PTK2: variants seen among roughly 807,000 people sequenced by gnomAD.
PTK2 encodes focal adhesion kinase 1.
Under a neutral mutation model 150.1 loss-of-function variants are expected in PTK2, and 45 were observed. That is an observed-to-expected ratio of 0.30 (90% confidence interval 0.24 to 0.38). PTK2 has a LOEUF of 0.38. Ranked by LOEUF, PTK2 falls within the 10% of genes least tolerant of loss-of-function variation. The pLI is 1.00. For synonymous variants in PTK2, 432 were observed against 449.2 expected, an observed-to-expected ratio of 0.96 and a Z score of 0.48; for missense variants, 919 against 1,307.3, an observed-to-expected ratio of 0.70 and a Z score of 4.58.
chr8:140,746,119 C>T (rs1169797094), intron 18 of PTK2, among the ~76,000 whole-genome samples: 1 of 152,036 alleles, frequency 6.6e-6, no homozygotes, highest in Non-Finnish European at 1.5e-5. Flanking sequence ...ATCACTTGAG[C>T]CAAGGAGCTC....
At chr8:140,921,049 A>G in intron 2 of PTK2, 2 of 1,313,158 alleles carry the variant, frequency 1.5e-6, no homozygotes, top group East Asian at 6.2e-5. Flanking sequence ...TTGAAGCAAA[A>G]TTTGGAAGGT....
intron 2 of PTK2, among the ~76,000 whole-genome samples, chr8:140,892,443 G>C (rs2100154561): frequency 6.6e-6 from 1 of 152,084 alleles, no homozygotes; most frequent in South Asian, 2.1e-4. Context: ...GGCTGAGGGG[G>C]GAGGATCACT....
chr8:140,852,510 A>G (rs1327682250), intron 5 of PTK2, among the ~76,000 whole-genome samples: 2 of 152,254 alleles, frequency 1.3e-5, no homozygotes, highest in Non-Finnish European at 2.9e-5. Flanking sequence ...GTATTCTGCC[A>G]GTATCAATTT....
intron 2 of PTK2, chr8:140,892,716 A>G (rs181443660): frequency 8.0e-6 from 3 of 375,856 alleles, no homozygotes; most frequent in East Asian, 1.6e-4. Context: ...ACACAAAAGA[A>G]AAACATATGT....
intron 17 of PTK2, among the ~76,000 whole-genome samples, chr8:140,747,918 A>G (rs1034111079): frequency 1.3e-5 from 2 of 152,006 alleles, no homozygotes; most frequent in African/African-American, 4.8e-5. Flanking sequence ...GGAGTGTGTA[A>G]TTCATTTACT....
intron 22 of PTK2, among the ~76,000 whole-genome samples, chr8:140,733,237 G>A (rs2100050600): frequency 6.6e-6 from 1 of 152,150 alleles, no homozygotes; most frequent in Non-Finnish European, 1.5e-5. Flanking sequence ...AGGAGGAAGG[G>A]CTGGCATAGA....
intron 22 of PTK2, among the ~76,000 whole-genome samples, chr8:140,734,000 G>C (rs2100051104): frequency 6.6e-6 from 1 of 152,158 alleles, no homozygotes; most frequent in Non-Finnish European, 1.5e-5. Context: ...AATAACAAAG[G>C]TGCTTAGCAA....
At position 140,865,180 on chromosome 8, in the gene PTK2, C is replaced by T. The variant is rs149368398; in HGVS notation, c.363-781G>A. Reference sequence around the variant, plus strand: ...GGTAAGTAATGAAAGTGAATACTTTCACATGCTTTTTGGTCATTTTGACTA... The same window carrying T: ...GGTAAGTAATGAAAGTGAATACTTTTACATGCTTTTTGGTCATTTTGACTA... On this transcript the variant is annotated intron_variant, in intron 4 of 31. Transcript: ENST00000522684. Among the ~76,000 whole-genome samples, 315 of 152,296 alleles carry T rather than the reference C, an allele frequency of 2.1e-3. No individual in the cohort carries two copies. In the Middle Eastern group the frequency reaches 0.031, roughly 15 times the overall value.
intron 14 of PTK2, among the ~76,000 whole-genome samples, chr8:140,779,936 C>G (rs2100080726): frequency 6.6e-6 from 1 of 152,140 alleles, no homozygotes; most frequent in South Asian, 2.1e-4. Flanking sequence ...AATCATCCAA[C>G]CTGGGGTGGT....
At chr8:140,926,217 T>C (rs1275391659) in intron 1 of PTK2, among the ~76,000 whole-genome samples, 1 of 152,170 alleles carries the variant, frequency 6.6e-6, no homozygotes, top group Non-Finnish European at 1.5e-5. Context: ...ACCAATAACA[T>C]AGATGATATT....
intron 1 of PTK2, among the ~76,000 whole-genome samples, chr8:140,992,282 A>C (rs1380458108): frequency 7.1e-6 from 1 of 140,016 alleles, no homozygotes; most frequent in Non-Finnish European, 1.6e-5. Context: ...ACAGAGTGAG[A>C]CTTCATCTCG....
chr8:140,806,749 A>C (rs1345119008), intron 10 of PTK2, among the ~76,000 whole-genome samples: 1 of 152,180 alleles, frequency 6.6e-6, no homozygotes, highest in Non-Finnish European at 1.5e-5. Flanking sequence ...GTATTGTGCT[A>C]AACTTTAAGA....
At chr8:140,991,845 C>T (rs1192537040) in intron 1 of PTK2, among the ~76,000 whole-genome samples, 2 of 151,188 alleles carry the variant, frequency 1.3e-5, no homozygotes, top group East Asian at 3.9e-4. Context: ...CCCGTCTCTA[C>T]AAAGTATGCA....
intron 7 of PTK2, among the ~76,000 whole-genome samples, chr8:140,841,247 GAC>G (rs528370918): frequency 3.1e-4 from 47 of 152,166 alleles, no homozygotes; most frequent in Middle Eastern, 6.8e-3. Flanking sequence ...TCAGGTAATA[GAC>G]ACACAGATGC....
At chr8:140,896,794 G>GT (rs1555343130) in intron 2 of PTK2, among the ~76,000 whole-genome samples, 18 of 125,668 alleles carry the variant, frequency 1.4e-4, no homozygotes, top group African/African-American at 4.1e-4. Context: ...AAAACGGGGG[G>GT]GGGGGGTGGG....
intron 16 of PTK2, among the ~76,000 whole-genome samples, chr8:140,755,888 T>C (rs184971176): frequency 2.0e-5 from 3 of 152,328 alleles, no homozygotes; most frequent in African/African-American, 7.2e-5. Context: ...TAAAATATTA[T>C]TTGATTTTAC....
rs987512867 is a variant in PTK2 at position 140,766,878 on chromosome 8, C to T, written c.1178-2588G>A. Among the ~76,000 whole-genome samples, 13 of 152,288 alleles carry T rather than the reference C, an allele frequency of 8.5e-5. No homozygotes were observed. The South Asian group carries it at 2.1e-3, about 24-fold the overall frequency. ...CTCGTGGGTAAAATAACATCATCTG[C>T]CTTGTAGCACTGTTATGAGGATTAC... On this transcript the variant is annotated intron_variant, in intron 14 of 31. Transcript: ENST00000522684.
At chr8:140,659,051 G>T in exon 32 of PTK2, 1 of 233,210 alleles carries the variant, frequency 4.3e-6, no homozygotes, top group Non-Finnish European at 8.5e-6. Flanking sequence ...CAGCCTCTTG[G>T]GTTTCCTGGA....
At chr8:140,670,016 G>A in intron 29 of PTK2, 1 of 419,498 alleles carries the variant, frequency 2.4e-6, no homozygotes, top group East Asian at 3.9e-5. Flanking sequence ...AAAGCCCGAG[G>A]AACAATCCAG....
Sources: allele counts gnomAD v4.1 joint callset (sites outside exome capture counted in the v4.1 genomes callset), GRCh38; gene constraint gnomAD v4.1.1; transcripts MANE v1.5; gene names NCBI Gene and HGNC (gene_info 2026-07-23, HGNC 2026-07-21).